The following CIT variants were observed in gnomAD, a reference collection of about 807,000 sequenced individuals.
CIT encodes citron Rho-interacting kinase.
CIT carries 79 observed loss-of-function variants against 272.7 expected under a neutral mutation model. The observed-to-expected ratio is 0.29, with a 90% CI of 0.24 to 0.35. The LOEUF (loss-of-function observed/expected upper bound fraction) is 0.35. CIT is among the 10% of genes least tolerant of loss of function. The pLI is 1.00. For synonymous variants in CIT, 948 were observed against 995.6 expected (o/e 0.95, Z 0.90); for missense variants, 1,909 against 2,618.3 (o/e 0.73, Z 5.91).
At chr12:119,715,546 G>A (rs2137091771) in intron 32 of CIT, among the ~76,000 whole-genome samples, 1 of 151,924 alleles carries the variant, frequency 6.6e-6, no homozygotes, top group Admixed American at 6.6e-5. Flanking sequence ...AGAATGGCGG[G>A]GGACTGATAA....
At chr12:119,783,650 T>G (rs1214016795) in intron 12 of CIT, 1 of 325,640 alleles carries the variant, frequency 3.1e-6, no homozygotes, top group Non-Finnish European at 5.6e-6. Flanking sequence ...CAAAGATGGA[T>G]TACTCCCATC....
At chr12:119,839,470 C>A (rs553186087) in intron 5 of CIT, among the ~76,000 whole-genome samples, 1 of 152,270 alleles carries the variant, frequency 6.6e-6, no homozygotes, top group Admixed American at 6.5e-5. Context: ...GCCCAATGTT[C>A]CTGATCTTTG....
intron 4 of CIT, 97 bp from the exon 5 acceptor site, chr12:119,850,372 C>G (rs1369139753): frequency 4.3e-6 from 1 of 233,344 alleles, no homozygotes; most frequent in South Asian, 4.9e-5. Context: ...ATGTTTCTAG[C>G]TTTAAAAAAA....
intron 9 of CIT, among the ~76,000 whole-genome samples, chr12:119,819,698 C>T (rs965179520): frequency 1.3e-5 from 2 of 152,178 alleles, no homozygotes; most frequent in Non-Finnish European, 2.9e-5. Context: ...AAGCAGCATC[C>T]ATGAACTTGG....
chr12:119,761,092 G>A (rs1383211179), intron 19 of CIT, 37 bp from the exon 20 acceptor site: 1 of 1,430,800 alleles, frequency 7.0e-7, no homozygotes, highest in Admixed American at 1.7e-5. Flanking sequence ...GTTCTCAGGA[G>A]CCAAGCTGAG....
chr12:119,723,397 T>TA (rs869077083), intron 28 of CIT, among the ~76,000 whole-genome samples: 432 of 40,850 alleles, frequency 0.011, 2 homozygotes, highest in African/African-American at 0.023. Context: ...CCCTATACAT[T>TA]AAAAAAAAAA....
At chr12:119,793,312 T>C (rs1304992092) in intron 10 of CIT, among the ~76,000 whole-genome samples, 1 of 152,206 alleles carries the variant, frequency 6.6e-6, no homozygotes, top group Non-Finnish European at 1.5e-5. Context: ...TGATTTTTAA[T>C]TCAGTTCCCA....
chr12:119,784,312 G>A lies in CIT; in HGVS notation c.1402-261C>T. 6.7e-7 allele frequency: 1 copy of A among 1,488,876 alleles called. No individual in the cohort carries two copies. The highest frequency in any genetic ancestry group is 9.0e-7 in the Non-Finnish European group (1 of 1,107,944). The allele number at this position is 1,488,876 out of a possible 1,614,324, so 92.2% of individuals were successfully genotyped here. ...CTTCTCTAACCCAGTTAGCAAGGAA[G>A]CCACAATCATCATTTTTCACCTGTT... On this transcript the variant is annotated intron_variant, in intron 11 of 47. Transcript: ENST00000392521. The surrounding 1 kb of genome is among the most constrained non-coding windows in gnomAD (Gnocchi z 4.7).
chr12:119,874,859 C>T (rs1483688349), intron 2 of CIT, among the ~76,000 whole-genome samples: 2 of 149,592 alleles, frequency 1.3e-5, no homozygotes, highest in Non-Finnish European at 3.0e-5. Context: ...TGCACTCCAG[C>T]CTGGGCGACA....
chr12:119,690,004 T>C lies in CIT; in HGVS notation c.6186+147A>G, dbSNP rs1955843998. On this transcript the variant is annotated intron_variant, in intron 47 of 47. Coordinates refer to ENST00000392521, the MANE Select transcript of CIT (RefSeq NM_001206999.2). The surrounding 1 kb of genome is among the most constrained non-coding windows in gnomAD (Gnocchi z 6.0). Reference sequence around the variant, plus strand: ...AGGAAGCTATTTCTTAAGGTACATTTTCTTCCTAAATTCCTGTGTCTCGCA... The same window carrying C: ...AGGAAGCTATTTCTTAAGGTACATTCTCTTCCTAAATTCCTGTGTCTCGCA... 7 of 779,132 alleles carry C rather than the reference T, an allele frequency of 9.0e-6. No homozygotes were observed. Among genetic ancestry groups the C allele is most frequent in the Non-Finnish European group, 1.1e-5 (6 of 558,778 alleles). The allele number at this position is 779,132 out of a possible 1,614,324, so 48.3% of individuals were successfully genotyped here.
rs770728096 is a variant in CIT, at chr12:119,784,098, T to G, written c.1402-47A>C. 1.2e-6 allele frequency: 2 copies of G among 1,613,628 alleles called. No individual in the cohort carries two copies. Among genetic ancestry groups the G allele is most frequent in the Admixed American group, 3.3e-5 (2 of 59,990 alleles). ...GTTAAAAAGGCCCGTGGAGGTTCAT[T>G]AGGAGCAATCACATCTCAAGTAGCC... On this transcript the variant is annotated intron_variant, in intron 11 of 47. Coordinates refer to ENST00000392521, the MANE Select transcript of CIT (RefSeq NM_001206999.2). The surrounding 1 kb of genome is among the most constrained non-coding windows in gnomAD (Gnocchi z 4.7).
At chr12:119,810,352 T>C (rs1966824237) in intron 9 of CIT, among the ~76,000 whole-genome samples, 1 of 152,084 alleles carries the variant, frequency 6.6e-6, no homozygotes, top group African/African-American at 2.4e-5. Context: ...ACAGTTATGG[T>C]GTGAGAGTGG....
At chr12:119,759,222 G>C (rs886979523) in intron 20 of CIT, among the ~76,000 whole-genome samples, 1 of 152,200 alleles carries the variant, frequency 6.6e-6, no homozygotes, top group Non-Finnish European at 1.5e-5. Context: ...GGAGGTGAGC[G>C]GCCAGCGAGC....
chr12:119,711,535 A>T (rs1957159240), intron 37 of CIT, among the ~76,000 whole-genome samples: 1 of 152,246 alleles, frequency 6.6e-6, no homozygotes, highest in Non-Finnish European at 1.5e-5. Flanking sequence ...CCTTCAAACC[A>T]GACAAACTCA....
At chr12:119,838,597 A>G (rs1462127887) in intron 5 of CIT, among the ~76,000 whole-genome samples, 1 of 152,164 alleles carries the variant, frequency 6.6e-6, no homozygotes, top group African/African-American at 2.4e-5. Context: ...GAGGCTGTGG[A>G]ACCAATATGG....
In CIT at chr12:119,784,757, A is replaced by T. The variant is rs1007458257; in HGVS notation, c.1401+203T>A. 7.1e-7 allele frequency: 1 copy of T among 1,413,262 alleles called. No homozygotes were observed. The highest frequency in any genetic ancestry group is 1.4e-5 in the African/African-American group (1 of 69,226). The allele number at this position is 1,413,262 out of a possible 1,614,324, so 87.5% of individuals were successfully genotyped here. On this transcript the variant is annotated intron_variant, in intron 11 of 47. Transcript: ENST00000392521. The surrounding 1 kb of genome is among the most constrained non-coding windows in gnomAD (Gnocchi z 4.7). ...AAATCCAGGGCCTCCTCTGGTTTAG[A>T]TTTAAAGGATTTACAGCAACAGCAA... is the stretch of plus-strand genomic sequence containing the variant.
intron 10 of CIT, among the ~76,000 whole-genome samples, chr12:119,796,017 G>C (rs1175176521): frequency 2.6e-5 from 4 of 152,232 alleles, no homozygotes; most frequent in Non-Finnish European, 5.9e-5. Flanking sequence ...GCAAGGCACT[G>C]TTTCAGGCAA....
chr12:119,812,534 G>A (rs1430332633), intron 9 of CIT, among the ~76,000 whole-genome samples: 1 of 151,576 alleles, frequency 6.6e-6, no homozygotes, highest in Non-Finnish European at 1.5e-5. Flanking sequence ...TGAACTCCTG[G>A]GCTCAAGCAA....
intron 41 of CIT, among the ~76,000 whole-genome samples, chr12:119,703,495 G>A (rs748625286): frequency 6.8e-6 from 1 of 146,358 alleles, no homozygotes; most frequent in Non-Finnish European, 1.5e-5. Context: ...GTGCAATCTC[G>A]GTTCACTGCA....
Sources: allele counts gnomAD v4.1 joint callset (sites outside exome capture counted in the v4.1 genomes callset), GRCh38; gene constraint gnomAD v4.1.1; non-coding constraint Gnocchi (gnomAD v3.1); transcripts MANE v1.5; gene names NCBI Gene and HGNC (gene_info 2026-07-23, HGNC 2026-07-21).